Variants in COL23A1 observed in about 807,000 individuals in gnomAD.
The protein encoded by COL23A1 is collagen type XXIII alpha 1 chain.
COL23A1 carries 97 observed loss-of-function variants against 99.3 expected under a neutral mutation model. The observed-to-expected ratio is 0.98, with a 90% confidence interval of 0.83 to 1.16. COL23A1 has a LOEUF of 1.16. COL23A1 is among the 50% of genes most tolerant of loss of function. The pLI is 0.00. For missense variants in COL23A1, 762 were observed against 757.4 expected, an observed-to-expected ratio of 1.01 and a Z score of -0.07; for synonymous variants, 320 against 308.2, an observed-to-expected ratio of 1.04 and a Z score of -0.40.
intron 2 of COL23A1, among the ~76,000 whole-genome samples, chr5:178,363,185 C>T (rs538879575): frequency 1.5e-4 from 23 of 152,048 alleles, no homozygotes; most frequent in East Asian, 1.9e-4. Flanking sequence ...AACATAACTG[C>T]GGGGCACTAA....
At chr5:178,292,246 C>T (rs535227772) in intron 3 of COL23A1, among the ~76,000 whole-genome samples, 13 of 152,232 alleles carry the variant, frequency 8.5e-5, no homozygotes, top group African/African-American at 3.1e-4. Context: ...CCTGCACCTG[C>T]CCTCCTCTCC....
chr5:178,385,493 C>T (rs962910885), intron 2 of COL23A1, among the ~76,000 whole-genome samples: 10 of 152,230 alleles, frequency 6.6e-5, no homozygotes, highest in African/African-American at 2.4e-4. Flanking sequence ...AGGCTCCAGA[C>T]TGTTGGAGCC....
rs1405109307 is a variant in COL23A1 at position 178,366,757 on chromosome 5, T to G, written c.362-59838A>C. 6.6e-6 allele frequency among the ~76,000 whole-genome samples: 1 copy of G among 152,224 alleles called. No homozygotes were observed. The highest frequency in any genetic ancestry group is 2.4e-5 in the African/African-American group (1 of 41,458). ...CGTTCCTCCTCCGTGCCTGTGCTTCTGCTGGTCTAAATCATTATCTATTGC... is the reference window on the plus strand; with the variant it reads ...CGTTCCTCCTCCGTGCCTGTGCTTCGGCTGGTCTAAATCATTATCTATTGC... On this transcript the variant is annotated intron_variant, in intron 2 of 28. Coordinates refer to ENST00000390654, the MANE Select transcript of COL23A1 (RefSeq NM_173465.4). The surrounding 1 kb of genome is among the most constrained non-coding windows in gnomAD (Gnocchi z 4.4).
chr5:178,578,353 C>CT (rs547767923), intron 1 of COL23A1, among the ~76,000 whole-genome samples: 297 of 152,294 alleles, frequency 2.0e-3, no homozygotes, highest in Non-Finnish European at 3.5e-3. Context: ...CTCGAGTCCC[C>CT]TTGACATCAT....
chr5:178,251,301 G>T (rs903414345), intron 17 of COL23A1, among the ~76,000 whole-genome samples: 2 of 151,966 alleles, frequency 1.3e-5, no homozygotes, highest in South Asian at 4.2e-4. Flanking sequence ...GATTACAGGC[G>T]TGAGCCACCG....
rs182314202 is a variant in COL23A1, at chr5:178,277,322, C to T, written c.442-6959G>A. Among the ~76,000 whole-genome samples the T allele has an allele frequency of 7.2e-5, 11 of 152,340 alleles. No individual in the cohort carries two copies. The East Asian group carries it at 1.7e-3, about 24-fold the overall frequency. ...TTGAGGCTGCAGTGAGCTATGATGG[C>T]ACCACTACACTCCGGCCTGGGTGAC... is the stretch of plus-strand genomic sequence containing the variant. On this transcript the variant is annotated intron_variant, in intron 5 of 28. Coordinates refer to ENST00000390654, the MANE Select transcript of COL23A1 (RefSeq NM_173465.4).
intron 2 of COL23A1, among the ~76,000 whole-genome samples, chr5:178,538,525 C>A (rs560532069): frequency 6.6e-6 from 1 of 152,288 alleles, no homozygotes; most frequent in African/African-American, 2.4e-5. Context: ...TGTTAGAGAA[C>A]CATAACAAAC....
rs1386702680 is a variant in COL23A1, at chr5:178,590,052, G to C, written c.146C>G (p.Ala49Gly). 1.5e-6 allele frequency: 2 copies of C among 1,346,814 alleles called. No individual in the cohort carries two copies. Among genetic ancestry groups the C allele is most frequent in the African/African-American group, 3.0e-5 (2 of 65,634 alleles). The allele number at this position is 1,346,814 out of a possible 1,614,324, so 83.4% of individuals were successfully genotyped here. A position where few individuals can be genotyped will look rare whatever the true frequency, so the allele number is the denominator to read the frequency against. The change falls in exon 1 of 29, where the codon GCT becomes GGT. Residue 49 changes from alanine to glycine, a missense_variant. Transcript: ENST00000390654. The surrounding 1 kb of genome is among the most constrained non-coding windows in gnomAD (Gnocchi z 5.7). ...CTGGACACCCAGCAGCAGGCAGGCA[G>C]CCGCCGAGCCCACGGAGAGCAGCAG... ...LCLLLSVGSA[A>G]ACLLLGVQAA...
At chr5:178,440,946 T>A (rs1766831743) in intron 2 of COL23A1, among the ~76,000 whole-genome samples, 1 of 152,182 alleles carries the variant, frequency 6.6e-6, no homozygotes, top group Non-Finnish European at 1.5e-5. Context: ...GTGTGTATTA[T>A]CTCTATGTGT....
In COL23A1 at chr5:178,336,348, C is replaced by T. The variant is rs13358802; in HGVS notation, c.362-29429G>A. On this transcript the variant is annotated intron_variant, in intron 2 of 28. Transcript: ENST00000390654. ...GCAGAAACAACCCAGATGGCCATCACCTGATGAATGGGTAAACAAAACATG... is the reference window on the plus strand; with the variant it reads ...GCAGAAACAACCCAGATGGCCATCATCTGATGAATGGGTAAACAAAACATG... Among the ~76,000 whole-genome samples the T allele has an allele frequency of 5.8e-3, 889 of 152,292 alleles. 7 individuals are homozygous for T. Among genetic ancestry groups the T allele is most frequent in the African/African-American group, 0.021 (856 of 41,542 alleles).
At chr5:178,585,653 C>CTGGAGTAACACTCCACGTCCCTGGTTGAT (rs1763935103) in intron 1 of COL23A1, among the ~76,000 whole-genome samples, 1 of 151,708 alleles carries the variant, frequency 6.6e-6, no homozygotes, top group Admixed American at 6.5e-5. Flanking sequence ...CCCTGGATGG[C>CTGGAGTAACACTCCACGTCCCTGGTTGAT]GCTGGGGTAA....
At chr5:178,322,190 C>T (rs1759361551) in intron 2 of COL23A1, among the ~76,000 whole-genome samples, 1 of 151,918 alleles carries the variant, frequency 6.6e-6, no homozygotes, top group African/African-American at 2.4e-5. Flanking sequence ...GACGGGATTT[C>T]ACTGTGTTGG....
intron 27 of COL23A1, among the ~76,000 whole-genome samples, chr5:178,239,572 C>T (rs1051725342): frequency 4.9e-5 from 7 of 142,730 alleles, no homozygotes; most frequent in Non-Finnish European, 1.5e-5. Flanking sequence ...TGCCGAGAGC[C>T]GTGTGGCTTC....
intron 2 of COL23A1, among the ~76,000 whole-genome samples, chr5:178,553,212 C>T (rs528719210): frequency 1.5e-4 from 22 of 150,978 alleles, no homozygotes; most frequent in Non-Finnish European, 2.5e-4. Flanking sequence ...GTGTGCCCTT[C>T]GCTAGGCTCT....
chr5:178,385,913 G>A (rs1268699728), intron 2 of COL23A1, among the ~76,000 whole-genome samples: 2 of 152,068 alleles, frequency 1.3e-5, no homozygotes, highest in Admixed American at 6.6e-5. Context: ...ATATTTCACT[G>A]ATTTTCCCTA....
chr5:178,503,488 A>G (rs1468529155), intron 2 of COL23A1, among the ~76,000 whole-genome samples: 1 of 152,234 alleles, frequency 6.6e-6, no homozygotes, highest in East Asian at 1.9e-4. Flanking sequence ...AATTAGGTCA[A>G]TTCACTAAAG....
intron 1 of COL23A1, among the ~76,000 whole-genome samples, chr5:178,561,135 C>T (rs988661295): frequency 1.3e-5 from 2 of 152,176 alleles, no homozygotes; most frequent in Non-Finnish European, 2.9e-5. Flanking sequence ...GTTAATGCTC[C>T]AGGCGGCTTT....
intron 2 of COL23A1, among the ~76,000 whole-genome samples, chr5:178,516,647 G>C (rs1256674348): frequency 3.9e-5 from 6 of 152,218 alleles, no homozygotes; most frequent in Non-Finnish European, 2.9e-5. Flanking sequence ...TCTGACTAGA[G>C]AAGATGTGCA....
At chr5:178,581,926 G>C (rs937558117) in intron 1 of COL23A1, among the ~76,000 whole-genome samples, 6 of 152,160 alleles carry the variant, frequency 3.9e-5, no homozygotes, top group African/African-American at 1.4e-4. Flanking sequence ...CTGTCTACAT[G>C]ATGGATGAGA....
Sources: allele counts gnomAD v4.1 joint callset (sites outside exome capture counted in the v4.1 genomes callset), GRCh38; gene constraint gnomAD v4.1.1; non-coding constraint Gnocchi (gnomAD v3.1); transcripts MANE v1.5; gene names NCBI Gene and HGNC (gene_info 2026-07-23, HGNC 2026-07-21).